The following CALN1 variants were observed in gnomAD, a reference collection of about 807,000 sequenced individuals.
CALN1 encodes the protein calcium-binding protein 8.
In CALN1, 17 loss-of-function variants were observed where a neutral mutation model predicts 30.6. The ratio of observed to expected loss-of-function variants is 0.56; its 90% CI spans 0.38 to 0.83. The LOEUF is 0.83. Ranked by LOEUF, CALN1 falls within the 40% of genes least tolerant of loss-of-function variation. CALN1 has a pLI of 0.00. For missense variants in CALN1, 291 were observed against 354.9 expected (o/e 0.82, Z 1.45); for synonymous variants, 156 against 131.4 (o/e 1.19, Z -1.28).
chr7:72,059,662 AGCTGATCTC>A (rs1247782020), intron 4 of CALN1, among the ~76,000 whole-genome samples: 12 of 152,168 alleles, frequency 7.9e-5, no homozygotes, highest in African/African-American at 2.9e-4. Context: ...GACTCATGAC[AGCTGATCTC>A]CCTATATTTT....
chr7:71,975,354 T>A (rs1237461250), intron 5 of CALN1, among the ~76,000 whole-genome samples: 1 of 152,212 alleles, frequency 6.6e-6, no homozygotes, highest in Admixed American at 6.5e-5. Flanking sequence ...CCTCCCTTGT[T>A]AATTTTCCTG....
At chr7:72,312,498 C>T (rs755876686) in intron 2 of CALN1, among the ~76,000 whole-genome samples, 61 of 151,840 alleles carry the variant, frequency 4.0e-4, no homozygotes, top group Non-Finnish European at 6.0e-4. Context: ...GGACAGACAG[C>T]GCTGGGCCAC....
chr7:72,254,671 G>C (rs1354525033), intron 3 of CALN1, among the ~76,000 whole-genome samples: 2 of 152,014 alleles, frequency 1.3e-5, no homozygotes, highest in African/African-American at 4.8e-5. Flanking sequence ...GACAGAATCT[G>C]TTATGAGCTC....
At chr7:72,006,874 C>A (rs556216382) in intron 5 of CALN1, among the ~76,000 whole-genome samples, 6 of 152,130 alleles carry the variant, frequency 3.9e-5, no homozygotes, top group Non-Finnish European at 8.8e-5. Flanking sequence ...CCTAAAATAA[C>A]TTCATAACTG....
chr7:72,461,415 T>A, the CALN1 span, among the ~76,000 whole-genome samples: 1 of 152,286 alleles, frequency 6.6e-6, no homozygotes, highest in Non-Finnish European at 1.5e-5. Flanking sequence ...CAGTTGCCCA[T>A]CAGTGGTGAA....
chr7:72,145,826 T>C (rs1352201681), intron 3 of CALN1, among the ~76,000 whole-genome samples: 3 of 152,128 alleles, frequency 2.0e-5, no homozygotes. Flanking sequence ...CATATGCAAA[T>C]CAATAAATGT....
chr7:72,087,952 C>G (rs952817354), intron 4 of CALN1, among the ~76,000 whole-genome samples: 8 of 152,082 alleles, frequency 5.3e-5, no homozygotes, highest in African/African-American at 1.7e-4. Flanking sequence ...CACTTGAAAC[C>G]AGGAGTTTGG....
intron 3 of CALN1, among the ~76,000 whole-genome samples, chr7:72,263,407 T>C (rs1372457536): frequency 6.6e-6 from 1 of 151,920 alleles, no homozygotes; most frequent in Non-Finnish European, 1.5e-5. Context: ...TTTTATTTTA[T>C]TTTTTTTAAC....
In CALN1 at chr7:72,060,161, C is replaced by G. The variant is rs1311806787; in HGVS notation, c.389-36392G>C. ...ACATTCAGAGAGAGTGGGGGAAATA[C>G]TTCCTGTCTTTTCATTTCACCATTT... On this transcript the variant is annotated intron_variant, in intron 4 of 6. Coordinates refer to ENST00000395275, the MANE Select transcript of CALN1 (RefSeq NM_031468.4). Among the ~76,000 whole-genome samples, 10 of 152,224 alleles carry G rather than the reference C, an allele frequency of 6.6e-5. No individual in the cohort carries two copies. In the East Asian group the frequency reaches 1.9e-3, roughly 29 times the overall value.
intron 5 of CALN1, among the ~76,000 whole-genome samples, chr7:71,985,515 T>A (rs541979538): frequency 6.6e-6 from 1 of 151,132 alleles, no homozygotes; most frequent in Admixed American, 6.6e-5. Context: ...TACCAATTCT[T>A]AATGGAACTA....
intron 5 of CALN1, among the ~76,000 whole-genome samples, chr7:71,929,356 C>T (rs946881046): frequency 2.6e-5 from 4 of 152,186 alleles, no homozygotes; most frequent in African/African-American, 7.2e-5. Flanking sequence ...CATTCAGCTC[C>T]CACTTACAAG....
Position 71,971,957 on chromosome 7 carries a change from G to GA in CALN1, c.501+51699dup, listed in dbSNP as rs1389783214. On this transcript the variant is annotated intron_variant, in intron 5 of 6. Transcript: ENST00000395275. ...AAAAAAAAAAAAAAAAAAAAAAAAAGAAAGAAAGAAAGAAAGAAAGAAAGA... is the reference window on the plus strand; with the variant it reads ...AAAAAAAAAAAAAAAAAAAAAAAAAGAAAAGAAAGAAAGAAAGAAAGAAAGA... Among the ~76,000 whole-genome samples, 92 of 53,232 alleles carry GA rather than the reference G, an allele frequency of 1.7e-3. 1 individual carries two copies. Among genetic ancestry groups the GA allele is most frequent in the African/African-American group, 6.1e-3 (88 of 14,418 alleles). 34.9% of individuals were successfully genotyped at this position (53,232 alleles called of 152,430 possible). A position where few individuals can be genotyped will look rare whatever the true frequency, so the allele number is the denominator to read the frequency against.
rs145847369 is a variant in CALN1 at position 71,950,726 on chromosome 7, G to A, written c.501+72931C>T. On this transcript the variant is annotated intron_variant, in intron 5 of 6. Coordinates refer to ENST00000395275, the MANE Select transcript of CALN1 (RefSeq NM_031468.4). ...TGCTTCAGACCACACAGGGAATCAC[G>A]TCCATACTCCTACCTGATCAGCCCA... is the stretch of plus-strand genomic sequence containing the variant. Among the ~76,000 whole-genome samples the A allele has an allele frequency of 3.2e-3, 480 of 152,216 alleles. 2 individuals are homozygous for A. The highest frequency in any genetic ancestry group is 5.0e-3 in the Non-Finnish European group (338 of 68,008).
chr7:72,406,571 G>T (rs1247966664), intron 1 of CALN1, among the ~76,000 whole-genome samples: 1 of 151,672 alleles, frequency 6.6e-6, no homozygotes, highest in East Asian at 1.9e-4. Context: ...CTTGAAGTTA[G>T]ATCTCTGGGC....
intron 3 of CALN1, among the ~76,000 whole-genome samples, chr7:72,150,347 T>C (rs1193513513): frequency 1.3e-5 from 2 of 152,172 alleles, no homozygotes; most frequent in African/African-American, 2.4e-5. Context: ...GGATAGAGGA[T>C]TGAAGAAGCC....
chr7:72,469,749 T>C, the CALN1 span, among the ~76,000 whole-genome samples: 3 of 152,228 alleles, frequency 2.0e-5, no homozygotes, highest in African/African-American at 7.2e-5. Flanking sequence ...CTATCTATCC[T>C]ATGCCAGTAC....
chr7:71,943,934 AG>A (rs1234785304), intron 5 of CALN1, among the ~76,000 whole-genome samples: 1 of 152,182 alleles, frequency 6.6e-6, no homozygotes, highest in Non-Finnish European at 1.5e-5. Flanking sequence ...TAACCCAACA[AG>A]GTGTCTTTCA....
intron 4 of CALN1, among the ~76,000 whole-genome samples, chr7:72,102,631 T>C (rs934592528): frequency 1.3e-5 from 2 of 152,130 alleles, no homozygotes; most frequent in African/African-American, 4.8e-5. Flanking sequence ...AACACTATAG[T>C]AAGTGCAAGA....
chr7:71,920,724 T>G (rs1421605707), intron 5 of CALN1, among the ~76,000 whole-genome samples: 1 of 152,218 alleles, frequency 6.6e-6, no homozygotes, highest in African/African-American at 2.4e-5. Context: ...TGAGCACATA[T>G]GCCTGACACA....
Sources: allele counts gnomAD v4.1 joint callset (sites outside exome capture counted in the v4.1 genomes callset), GRCh38; gene constraint gnomAD v4.1.1; transcripts MANE v1.5; gene names NCBI Gene and HGNC (gene_info 2026-07-23, HGNC 2026-07-21).